MCTP1: variants seen among roughly 807,000 people sequenced by gnomAD.
The protein encoded by MCTP1 is multiple C2 and transmembrane domain-containing protein 1.
Under a neutral mutation model 120.6 loss-of-function variants are expected in MCTP1, and 69 were observed. The observed-to-expected ratio is 0.57, with a 90% CI of 0.47 to 0.70. MCTP1 has a LOEUF of 0.70. Among genes scored for constraint, MCTP1 ranks in the 30% least tolerant of loss-of-function variants. The pLI is 0.00. For synonymous variants in MCTP1, 529 were observed against 493.1 expected, an observed-to-expected ratio of 1.07 and a Z score of -0.96; for missense variants, 1,203 against 1,248.8, an observed-to-expected ratio of 0.96 and a Z score of 0.55.
chr5:95,128,775 C>T (rs1004012698), intron 1 of MCTP1, among the ~76,000 whole-genome samples: 1 of 152,132 alleles, frequency 6.6e-6, no homozygotes, highest in African/African-American at 2.4e-5. Context: ...ATGCACGACT[C>T]TGTGAATATA....
intron 17 of MCTP1, among the ~76,000 whole-genome samples, chr5:94,857,200 A>G (rs543181887): frequency 1.1e-4 from 17 of 151,790 alleles, no homozygotes; most frequent in African/African-American, 3.9e-4. Flanking sequence ...TTGCTGCTGA[A>G]GTCATCTGAG....
In MCTP1 at chr5:95,284,223, C is replaced by G; in HGVS notation, c.353G>C (p.Gly118Ala). 2.5e-6 allele frequency: 4 copies of G among 1,581,256 alleles called. No individual in the cohort carries two copies. The highest frequency in any genetic ancestry group is 3.4e-6 in the Non-Finnish European group (4 of 1,170,034). Residue 118 changes from glycine to alanine, a missense_variant, in exon 1 of 23, where the codon GGG (glycine) becomes GCG (alanine). Around this residue, in one of 2 missense-constraint regions of MCTP1, gnomAD observed 463 missense variants for 377.8 expected, o/e 1.23. Transcript: ENST00000515393. This position sits in a 1 kb window ranked among gnomAD's most constrained non-coding sequence, Gnocchi z 5.2. The part of the protein sequence containing the change: ...EPGGAGRAEQ[G>A]STLRRRIREH... The stretch of plus-strand genomic sequence containing the variant: ...GCGGATCCGGCGGCGTAGCGTGGAC[C>G]CCTGCTCGGCTCTGCCGGCGCCGCC...
chr5:95,157,775 C>T (rs1365871444), intron 1 of MCTP1, among the ~76,000 whole-genome samples: 3 of 152,184 alleles, frequency 2.0e-5, no homozygotes, highest in Non-Finnish European at 4.4e-5. Context: ...CAAACTGTGG[C>T]TCACGGGCCA....
At chr5:95,262,551 T>C (rs1218924933) in intron 1 of MCTP1, among the ~76,000 whole-genome samples, 1 of 152,190 alleles carries the variant, frequency 6.6e-6, no homozygotes, top group Non-Finnish European at 1.5e-5. Context: ...CAGGACTGCA[T>C]GGAGGGCTGT....
intron 19 of MCTP1, among the ~76,000 whole-genome samples, chr5:94,717,835 G>T (rs1213070360): frequency 6.6e-6 from 1 of 152,048 alleles, no homozygotes; most frequent in Non-Finnish European, 1.5e-5. Context: ...ACCTCTTCAA[G>T]GAGAACTACA....
intron 2 of MCTP1, among the ~76,000 whole-genome samples, chr5:95,007,942 G>A (rs189267514): frequency 6.6e-6 from 1 of 152,036 alleles, no homozygotes; most frequent in South Asian, 2.1e-4. Flanking sequence ...TTTTTTTAAC[G>A]CTATTATAAA....
chr5:94,723,982 G>C (rs1005894991), intron 19 of MCTP1, among the ~76,000 whole-genome samples: 3 of 152,122 alleles, frequency 2.0e-5, no homozygotes, highest in Admixed American at 6.5e-5. Context: ...CTAACGGATG[G>C]AAGAAGATGA....
chr5:95,140,198 T>C (rs1301602088), intron 1 of MCTP1, among the ~76,000 whole-genome samples: 3 of 152,228 alleles, frequency 2.0e-5, no homozygotes, highest in African/African-American at 7.2e-5. Flanking sequence ...AAAAAATTTA[T>C]ATTTGCAAAA....
chr5:95,048,654 T>C (rs1263727346), intron 1 of MCTP1, among the ~76,000 whole-genome samples: 5 of 152,194 alleles, frequency 3.3e-5, no homozygotes, highest in Non-Finnish European at 7.3e-5. Context: ...GTCTGTAGAC[T>C]TGAAGCACAT....
intron 3 of MCTP1, among the ~76,000 whole-genome samples, chr5:94,947,855 C>G (rs1819514850): frequency 6.7e-6 from 1 of 149,602 alleles, no homozygotes; most frequent in Non-Finnish European, 1.5e-5. Flanking sequence ...CTCCTGAGTT[C>G]AAGCGATCCT....
chr5:95,069,913 C>T (rs1751706386), intron 1 of MCTP1, among the ~76,000 whole-genome samples: 1 of 151,926 alleles, frequency 6.6e-6, no homozygotes, highest in Non-Finnish European at 1.5e-5. Flanking sequence ...CCGTGTTAGC[C>T]AGGATGGTCT....
intron 1 of MCTP1, among the ~76,000 whole-genome samples, chr5:95,169,993 T>C (rs1387588652): frequency 1.3e-5 from 2 of 152,238 alleles, no homozygotes; most frequent in Non-Finnish European, 2.9e-5. Context: ...GTTCTTTTAA[T>C]TGTGATGTTA....
At chr5:95,159,071 C>A (rs932146096) in intron 1 of MCTP1, among the ~76,000 whole-genome samples, 1 of 152,104 alleles carries the variant, frequency 6.6e-6, no homozygotes, top group Admixed American at 6.6e-5. Context: ...TCATACCAGA[C>A]TACAACCATG....
chr5:95,112,146 A>G (rs1757505436), intron 1 of MCTP1, among the ~76,000 whole-genome samples: 1 of 152,178 alleles, frequency 6.6e-6, no homozygotes. Context: ...AATACAGAAG[A>G]GGATACCACT....
At chr5:94,962,185 T>C (rs931267330) in intron 2 of MCTP1, among the ~76,000 whole-genome samples, 2 of 152,076 alleles carry the variant, frequency 1.3e-5, no homozygotes, top group African/African-American at 4.8e-5. Flanking sequence ...AATGCTCCTA[T>C]ACTGCCGGTG....
intron 1 of MCTP1, among the ~76,000 whole-genome samples, chr5:95,115,106 T>C (rs1298571751): frequency 6.6e-6 from 1 of 152,086 alleles, no homozygotes; most frequent in East Asian, 1.9e-4. Flanking sequence ...ATGGCTTAGG[T>C]AACAACACCC....
chr5:95,065,075 T>C (rs1750272077), intron 1 of MCTP1, among the ~76,000 whole-genome samples: 1 of 152,152 alleles, frequency 6.6e-6, no homozygotes, highest in Non-Finnish European at 1.5e-5. Flanking sequence ...TAACTGAACA[T>C]ACATCTGAAA....
chr5:95,190,204 A>G lies in MCTP1; in HGVS notation c.720+93652T>C, dbSNP rs114404739. Among the ~76,000 whole-genome samples the G allele has an allele frequency of 3.3e-3, 506 of 152,190 alleles. 3 individuals are homozygous for G. Among genetic ancestry groups the G allele is most frequent in the African/African-American group, 0.012 (478 of 41,552 alleles). On this transcript the variant is annotated intron_variant, in intron 1 of 22. Transcript: ENST00000515393. ...GTAAGGATACAAACAGCTCTCTACT[A>G]TTTATGCCTTGTGGAACTGCCATGG...
At chr5:94,885,689 C>T (rs764749674) in intron 12 of MCTP1, among the ~76,000 whole-genome samples, 39 of 150,596 alleles carry the variant, frequency 2.6e-4, no homozygotes, top group Non-Finnish European at 4.9e-4. Context: ...CCAGTGAACG[C>T]GGGGCCAGAC....
Sources: allele counts gnomAD v4.1 joint callset (sites outside exome capture counted in the v4.1 genomes callset), GRCh38; gene constraint gnomAD v4.1.1; regional missense constraint gnomAD v4.1.1; non-coding constraint Gnocchi (gnomAD v3.1); transcripts MANE v1.5; gene names NCBI Gene and HGNC (gene_info 2026-07-23, HGNC 2026-07-21).